AGO3: variants seen among roughly 807,000 people sequenced by gnomAD.
AGO3 encodes argonaute RISC catalytic component 3, also known as protein argonaute-3.
AGO3 carries 16 observed loss-of-function variants against 105.5 expected under a neutral mutation model. That is an observed-to-expected ratio of 0.15 (90% CI 0.10 to 0.23). The LOEUF (loss-of-function observed/expected upper bound fraction) is 0.23, where lower values mean the gene tolerates loss of function less well. AGO3 is among the 10% of genes least tolerant of loss of function. The pLI is 1.00. For missense variants in AGO3, 534 were observed against 1,088.0 expected, an observed-to-expected ratio of 0.49 and a Z score of 7.16; for synonymous variants, 340 against 367.3, an observed-to-expected ratio of 0.93 and a Z score of 0.85.
At chr1:35,999,629 ATCATAAGTGG>A (rs1252325858) in intron 5 of AGO3, among the ~76,000 whole-genome samples, 1 of 152,092 alleles carries the variant, frequency 6.6e-6, no homozygotes, top group African/African-American at 2.4e-5. Flanking sequence ...TTTTGTTGTG[ATCATAAGTGG>A]TATATGTTTA....
intron 1 of AGO3, 73 bp from the exon 2 acceptor site, chr1:35,945,619 T>C (rs1184056550): frequency 2.0e-6 from 3 of 1,466,904 alleles, no homozygotes; most frequent in South Asian, 1.3e-5. Context: ...ATAATTCTAA[T>C]ATACTCTGGT....
chr1:36,040,172 T>C, intron 15 of AGO3, 135 bp from the exon 16 acceptor site: 2 of 1,188,706 alleles, frequency 1.7e-6, no homozygotes, highest in Non-Finnish European at 2.3e-6. Flanking sequence ...CATGTTCTAA[T>C]AATCGTTAAA....
At position 35,931,459 on chromosome 1, in the gene AGO3, G is replaced by A; in HGVS notation, c.19+14G>A. ...TCGGCTCCGCAGGTGAGTCAGAGTA[G>A]CTGGGCCAGGTAGGGGATGTCACCC... On this transcript the variant is annotated intron_variant, in intron 1 of 18. Coordinates refer to ENST00000373191, the MANE Select transcript of AGO3 (RefSeq NM_024852.4). The A allele has an allele frequency of 6.6e-7, 1 of 1,507,622 alleles. No homozygotes were observed. Among genetic ancestry groups the A allele is most frequent in the Non-Finnish European group, 8.9e-7 (1 of 1,126,568 alleles). 93.4% of individuals were successfully genotyped at this position (1,507,622 alleles called of 1,614,324 possible). A position where few individuals can be genotyped will look rare whatever the true frequency, so the allele number is the denominator to read the frequency against.
intron 1 of AGO3, among the ~76,000 whole-genome samples, chr1:35,935,226 C>A (rs556817113): frequency 4.6e-5 from 7 of 152,084 alleles, no homozygotes; most frequent in Admixed American, 4.6e-4. Flanking sequence ...CGAGGGAAAA[C>A]AAAAATTGAG....
At chr1:35,971,046 T>TATA (rs1557657826) in intron 3 of AGO3, among the ~76,000 whole-genome samples, 4 of 123,482 alleles carry the variant, frequency 3.2e-5, no homozygotes, top group African/African-American at 1.1e-4. Flanking sequence ...ATATATATAT[T>TATA]TTTTATTATA....
chr1:36,045,561 C>T (rs115566504), intron 17 of AGO3, among the ~76,000 whole-genome samples: 25 of 150,282 alleles, frequency 1.7e-4, no homozygotes, highest in Non-Finnish European at 2.8e-4. Flanking sequence ...TTGTCGCCCA[C>T]GCTAGAGTGT....
intron 11 of AGO3, among the ~76,000 whole-genome samples, chr1:36,024,136 CTTTTTTTTTTTT>C (rs543123565): frequency 7.8e-6 from 1 of 128,958 alleles, no homozygotes; most frequent in Non-Finnish European, 1.6e-5. Flanking sequence ...TGACTGACTC[CTTTTTTTTTTTT>C]TTTTTTTTGA....
chr1:36,024,493 C>T (rs1450365329), intron 11 of AGO3, among the ~76,000 whole-genome samples: 1 of 152,040 alleles, frequency 6.6e-6, no homozygotes, highest in Admixed American at 6.6e-5. Flanking sequence ...CGTTTTCTGG[C>T]TTCTTTTCCT....
chr1:35,942,447 G>A (rs1041157410), intron 1 of AGO3, among the ~76,000 whole-genome samples: 12 of 152,132 alleles, frequency 7.9e-5, no homozygotes, highest in Admixed American at 6.5e-4. Context: ...CTCTGGAAGT[G>A]TTTGTATAAC....
At chr1:36,006,651 A>G (rs189925866) in intron 6 of AGO3, among the ~76,000 whole-genome samples, 2 of 152,160 alleles carry the variant, frequency 1.3e-5, no homozygotes. Flanking sequence ...CTTCGATAGT[A>G]TTTTATTTTC....
chr1:36,049,883 C>T (rs1642631995), intron 17 of AGO3, among the ~76,000 whole-genome samples: 1 of 152,114 alleles, frequency 6.6e-6, no homozygotes, highest in African/African-American at 2.4e-5. Context: ...AATATATATG[C>T]AGCCAACACT....
rs1391818946 is a variant in AGO3 at position 35,949,472 on chromosome 1, TTCAA to T, written c.191+3610_191+3613del. 2.6e-5 allele frequency among the ~76,000 whole-genome samples: 4 copies of T among 152,202 alleles called. No homozygotes were observed. The East Asian group carries it at 7.7e-4, about 29-fold the overall frequency. ...TGATGTGGTGGCTCAGTTCCTGTGCTTCAACAACTGGAATTCTAGGCGTTAGAAG... is the reference window on the plus strand; with the variant it reads ...TGATGTGGTGGCTCAGTTCCTGTGCTCAACTGGAATTCTAGGCGTTAGAAG... On this transcript the variant is annotated intron_variant, in intron 2 of 18. Transcript: ENST00000373191.
rs1643087712 is a variant in AGO3, at chr1:36,066,045, A to C, written c.*10300A>C. On this transcript the variant is annotated 3_prime_UTR_variant, in exon 19 of 19. Coordinates refer to ENST00000373191, the MANE Select transcript of AGO3 (RefSeq NM_024852.4). ...ACAGAGTGAGACTCTGTCTCAAAAAAAAAAAAAAATCGTTGTGCAGTAATA... is the reference window on the plus strand; with the variant it reads ...ACAGAGTGAGACTCTGTCTCAAAAACAAAAAAAAATCGTTGTGCAGTAATA... 6.6e-6 allele frequency: 1 copy of C among 152,370 alleles called. No individual in the cohort carries two copies. The highest frequency in any genetic ancestry group is 6.5e-5 in the Admixed American group (1 of 15,270). The allele number at this position is 152,370 out of a possible 1,614,324, so 9.4% of individuals were successfully genotyped here. A position where few individuals can be genotyped will look rare whatever the true frequency, so the allele number is the denominator to read the frequency against.
intron 5 of AGO3, among the ~76,000 whole-genome samples, chr1:35,985,045 A>G (rs1274736363): frequency 1.3e-5 from 2 of 152,168 alleles, no homozygotes; most frequent in Non-Finnish European, 2.9e-5. Context: ...TATTTCCAGC[A>G]CATTGGGAGG....
intron 2 of AGO3, among the ~76,000 whole-genome samples, chr1:35,964,474 G>A (rs572700275): frequency 1.7e-3 from 260 of 152,202 alleles, no homozygotes; most frequent in African/African-American, 6.0e-3. Context: ...TTTTATGACT[G>A]CATAGTATTC....
intron 5 of AGO3, among the ~76,000 whole-genome samples, chr1:35,991,102 A>G (rs1020991374): frequency 2.6e-5 from 4 of 152,130 alleles, no homozygotes; most frequent in Admixed American, 2.0e-4. Context: ...TCAGGAGTTC[A>G]AGACCAGCCT....
At position 36,055,347 on chromosome 1, in the gene AGO3, C is replaced by T. The variant is rs1449314582; in HGVS notation, c.2474+202C>T. On this transcript the variant is annotated intron_variant, in intron 18 of 18. Coordinates refer to ENST00000373191, the MANE Select transcript of AGO3 (RefSeq NM_024852.4). This position sits in a 1 kb window ranked among gnomAD's most constrained non-coding sequence, Gnocchi z 4.4. ...ATGTAGTAACTTAGTTGTTTTACTA[C>T]ATTAATTCAAAGGAGAGATTATTGG... 1.6e-6 allele frequency: 1 copy of T among 625,550 alleles called. No homozygotes were observed. The highest frequency in any genetic ancestry group is 2.8e-6 in the Non-Finnish European group (1 of 360,896). The allele number at this position is 625,550 out of a possible 1,614,324, so 38.7% of individuals were successfully genotyped here.
At chr1:36,050,034 A>G (rs1642640303) in intron 17 of AGO3, among the ~76,000 whole-genome samples, 2 of 152,228 alleles carry the variant, frequency 1.3e-5, no homozygotes, top group African/African-American at 2.4e-5. Flanking sequence ...ACAAAGAAAC[A>G]TTGGATTTAA....
At chr1:35,942,793 C>T (rs888499457) in intron 1 of AGO3, among the ~76,000 whole-genome samples, 3 of 152,028 alleles carry the variant, frequency 2.0e-5, no homozygotes, top group Non-Finnish European at 4.4e-5. Context: ...CAGTAGTGTT[C>T]GGTACATTCA....
Sources: allele counts gnomAD v4.1 joint callset (sites outside exome capture counted in the v4.1 genomes callset), GRCh38; gene constraint gnomAD v4.1.1; non-coding constraint Gnocchi (gnomAD v3.1); transcripts MANE v1.5; gene names NCBI Gene and HGNC (gene_info 2026-07-23, HGNC 2026-07-21).